Variants in MIGA1 observed in about 807,000 individuals in gnomAD.
The protein encoded by MIGA1 is mitoguardin 1, also known as family with sequence similarity 73, member A.
MIGA1 carries 58 observed loss-of-function variants against 82.0 expected under a neutral mutation model. The observed-to-expected ratio is 0.71, with a 90% confidence interval of 0.57 to 0.88. The LOEUF is 0.88. MIGA1 is among the 40% of genes least tolerant of loss of function. MIGA1 has a pLI of 0.00. For missense variants in MIGA1, 751 were observed against 749.1 expected (o/e 1.00, Z -0.03); for synonymous variants, 249 against 253.6 (o/e 0.98, Z 0.17).
At chr1:77,827,285 T>C (rs1339434472) in intron 7 of MIGA1, among the ~76,000 whole-genome samples, 3 of 151,980 alleles carry the variant, frequency 2.0e-5, no homozygotes, top group Admixed American at 2.0e-4. Context: ...GTGTTAAGGA[T>C]TTTTACAACT....
chr1:77,847,738 T>A (rs1684899058), intron 8 of MIGA1: 1 of 1,591,870 alleles, frequency 6.3e-7, no homozygotes, highest in South Asian at 1.1e-5. Context: ...AAATGCAGCT[T>A]TCGTGAAGCC....
chr1:77,859,642 T>TA (rs1424840155), intron 10 of MIGA1: 1 of 423,926 alleles, frequency 2.4e-6, no homozygotes, highest in African/African-American at 2.0e-5. Flanking sequence ...TTCAGGAGTG[T>TA]AAAAATGGCT....
At chr1:77,826,461 A>G (rs1407029797) in intron 7 of MIGA1, among the ~76,000 whole-genome samples, 1 of 152,098 alleles carries the variant, frequency 6.6e-6, no homozygotes, top group Non-Finnish European at 1.5e-5. Context: ...TCTTGCTGGC[A>G]TATCCTATTA....
At chr1:77,814,970 G>T in intron 6 of MIGA1, 138 bp from the exon 7 acceptor site, 2 of 532,702 alleles carry the variant, frequency 3.8e-6, no homozygotes, top group Non-Finnish European at 6.0e-6. Context: ...GACTTCTGCT[G>T]CTGTACTCTT....
At chr1:77,841,193 A>G (rs1313633482) in intron 7 of MIGA1, among the ~76,000 whole-genome samples, 1 of 152,172 alleles carries the variant, frequency 6.6e-6, no homozygotes, top group Non-Finnish European at 1.5e-5. Flanking sequence ...TATCCCATTA[A>G]TAGTCATTTA....
At chr1:77,810,917 A>G in intron 5 of MIGA1, 1 of 1,611,966 alleles carries the variant, frequency 6.2e-7, no homozygotes, top group Non-Finnish European at 8.5e-7. Context: ...TTGGTCAATA[A>G]TTGCAATTTC....
chr1:77,859,307 T>A lies in MIGA1; in HGVS notation c.1116-7T>A. 6.2e-7 allele frequency: 1 copy of A among 1,606,552 alleles called. No individual in the cohort carries two copies. The highest frequency in any genetic ancestry group is 8.5e-7 in the Non-Finnish European group (1 of 1,173,216). ...TTTAACAATTGTCTCCCCTGTTTAT[T>A]ACATAGAACTGAAATGTTGGAGTGC... On this transcript the variant is annotated splice_polypyrimidine_tract_variant and splice_region_variant and intron_variant, in intron 9 of 15. Transcript: ENST00000370791.
chr1:77,795,856 A>T (rs958946044), intron 2 of MIGA1, among the ~76,000 whole-genome samples: 3 of 150,226 alleles, frequency 2.0e-5, no homozygotes, highest in African/African-American at 7.3e-5. Context: ...CCAGTCTGGA[A>T]CTCCTGACCT....
At chr1:77,795,669 G>A (rs1038484645) in intron 2 of MIGA1, among the ~76,000 whole-genome samples, 11 of 146,214 alleles carry the variant, frequency 7.5e-5, no homozygotes, top group Admixed American at 4.2e-4. Context: ...TCACTCTGTC[G>A]TTGAGGCTGG....
intron 8 of MIGA1, chr1:77,848,634 C>T: frequency 1.3e-6 from 2 of 1,552,070 alleles, no homozygotes; most frequent in Non-Finnish European, 1.8e-6. Flanking sequence ...AACACAGACT[C>T]ACAGAAAGGC....
intron 14 of MIGA1, among the ~76,000 whole-genome samples, chr1:77,867,212 A>G (rs1291916188): frequency 2.0e-5 from 3 of 152,184 alleles, no homozygotes; most frequent in African/African-American, 7.2e-5. Flanking sequence ...GAGTGAGACT[A>G]CTGGGTTCAA....
chr1:77,841,533 T>G (rs1039092796), intron 7 of MIGA1, among the ~76,000 whole-genome samples: 3 of 151,040 alleles, frequency 2.0e-5, no homozygotes, highest in African/African-American at 7.3e-5. Flanking sequence ...AACTTTTGAT[T>G]TAAACATTTA....
intron 8 of MIGA1, among the ~76,000 whole-genome samples, chr1:77,858,070 G>C (rs57314531): frequency 0.067 from 10,133 of 152,074 alleles, 885 homozygotes; most frequent in African/African-American, 0.2. Context: ...AGTATTGCTG[G>C]CCAGACGCGG....
intron 2 of MIGA1, among the ~76,000 whole-genome samples, chr1:77,797,161 T>C (rs574538624): frequency 1.3e-5 from 2 of 152,374 alleles, no homozygotes; most frequent in Non-Finnish European, 2.9e-5. Flanking sequence ...CATTCCATTG[T>C]ATGAATGTAC....
At chr1:77,860,894 G>A in intron 11 of MIGA1, 1 of 236,626 alleles carries the variant, frequency 4.2e-6, no homozygotes, top group South Asian at 6.3e-5. Context: ...TTTGAACTAG[G>A]GTTCCTCCAA....
At chr1:77,869,207 C>T (rs1426649129) in intron 14 of MIGA1, among the ~76,000 whole-genome samples, 14 of 140,152 alleles carry the variant, frequency 1.0e-4, no homozygotes, top group Non-Finnish European at 2.2e-4. Context: ...GCCCTTAATC[C>T]ATTTAACCCT....
Position 77,801,317 on chromosome 1 carries a change from T to C in MIGA1, c.196-14T>C, listed in dbSNP as rs766377631. 2.2e-5 allele frequency: 33 copies of C among 1,531,582 alleles called. No individual in the cohort carries two copies. In the South Asian group the frequency reaches 4.1e-4, roughly 19 times the overall value. The allele number at this position is 1,531,582 out of a possible 1,614,324, so 94.9% of individuals were successfully genotyped here. On this transcript the variant is annotated splice_polypyrimidine_tract_variant and intron_variant, in intron 2 of 15. Transcript: ENST00000370791. Reference sequence around the variant, plus strand: ...TAAAGAGATTTTTTTCAATTTTAACTGAATCTTTTCCAGATCAAATTTTCT... The same window carrying C: ...TAAAGAGATTTTTTTCAATTTTAACCGAATCTTTTCCAGATCAAATTTTCT...
chr1:77,842,065 C>T (rs1408473378), intron 7 of MIGA1, among the ~76,000 whole-genome samples: 2 of 151,724 alleles, frequency 1.3e-5, no homozygotes, highest in East Asian at 3.9e-4. Context: ...TGATTACAGG[C>T]ATGAGCTACC....
chr1:77,821,311 A>AG (rs1376626859), intron 7 of MIGA1, among the ~76,000 whole-genome samples: 2 of 151,878 alleles, frequency 1.3e-5, no homozygotes, highest in African/African-American at 4.8e-5. Flanking sequence ...TTTTGGACCA[A>AG]GGGTATAGGT....
Sources: gnomAD v4.1 joint callset for allele counts (sites outside exome capture counted in the v4.1 genomes callset) on GRCh38, gnomAD v4.1.1 for gene constraint, MANE v1.5 for transcripts, NCBI Gene and HGNC (gene_info 2026-07-23, HGNC 2026-07-21) for gene names.